CADPS: variants seen among roughly 807,000 people sequenced by gnomAD.
The protein encoded by CADPS is calcium-dependent secretion activator 1.
A neutral mutation model predicts 167.3 loss-of-function variants in CADPS; 57 were observed. The ratio of observed to expected loss-of-function variants is 0.34; its 90% CI spans 0.28 to 0.42. The LOEUF (loss-of-function observed/expected upper bound fraction) is 0.42, where lower values mean the gene tolerates loss of function less well. Among genes scored for constraint, CADPS ranks in the 20% least tolerant of loss-of-function variants. CADPS has a pLI of 1.00. For synonymous variants in CADPS, 676 were observed against 635.3 expected (o/e 1.06, Z -0.96); for missense variants, 1,414 against 1,738.1 (o/e 0.81, Z 3.32).
intron 17 of CADPS, among the ~76,000 whole-genome samples, chr3:62,502,661 C>T (rs978103038): frequency 6.6e-6 from 1 of 151,958 alleles, no homozygotes; most frequent in African/African-American, 2.4e-5. Flanking sequence ...CAAACTGAAA[C>T]AAAATTTCAA....
chr3:62,740,182 T>C (rs1342890170), intron 3 of CADPS, among the ~76,000 whole-genome samples: 1 of 152,198 alleles, frequency 6.6e-6, no homozygotes, highest in Non-Finnish European at 1.5e-5. Flanking sequence ...TAGATTTGTT[T>C]CATTTGTATC....
At chr3:62,510,191 C>CTATCTATCTATCT (rs2067486329) in intron 17 of CADPS, among the ~76,000 whole-genome samples, 1 of 148,266 alleles carries the variant, frequency 6.7e-6, no homozygotes, top group African/African-American at 2.5e-5. Context: ...CCTATTTCTG[C>CTATCTATCTATCT]ATCTATCTAT....
chr3:62,609,025 G>A (rs1442136920), intron 6 of CADPS, among the ~76,000 whole-genome samples: 1 of 152,122 alleles, frequency 6.6e-6, no homozygotes, highest in African/African-American at 2.4e-5. Context: ...GTAAGCGAGG[G>A]TAGGTTCAAC....
At chr3:62,669,658 A>C (rs971146674) in intron 3 of CADPS, among the ~76,000 whole-genome samples, 2 of 152,194 alleles carry the variant, frequency 1.3e-5, no homozygotes, top group Non-Finnish European at 2.9e-5. Context: ...CAATCCTAGG[A>C]AAGTGATTGG....
chr3:62,664,646 C>T (rs1239301054), intron 3 of CADPS, among the ~76,000 whole-genome samples: 1 of 152,250 alleles, frequency 6.6e-6, no homozygotes, highest in Admixed American at 6.5e-5. Context: ...AACTACTTCA[C>T]TGGGAAGCAG....
At chr3:62,650,113 A>T (rs1008756095) in intron 5 of CADPS, among the ~76,000 whole-genome samples, 18 of 152,170 alleles carry the variant, frequency 1.2e-4, no homozygotes, top group Non-Finnish European at 1.3e-4. Flanking sequence ...TTGCTAGATC[A>T]TATGGTAGTT....
At chr3:62,844,819 G>C (rs939882289) in intron 1 of CADPS, among the ~76,000 whole-genome samples, 7 of 152,040 alleles carry the variant, frequency 4.6e-5, no homozygotes, top group African/African-American at 1.7e-4. Context: ...AGAAAGTTGT[G>C]GTCAAACTCT....
rs2068904066 is a variant in CADPS at position 62,516,058 on chromosome 3, C to T, written c.2581+1G>A. ...AAACTGGGGGCAGAAGGGAGCCTTA[C>T]CTTCGATTTTGGCATACTCTGAGAG... On this transcript the variant is annotated splice_donor_variant, in intron 16 of 29. Transcript: ENST00000383710. LOFTEE classifies it high-confidence loss of function. 1 of 1,612,830 alleles carries T rather than the reference C, an allele frequency of 6.2e-7. No homozygotes were observed. Among genetic ancestry groups the T allele is most frequent in the Admixed American group, 1.7e-5 (1 of 59,934 alleles).
At chr3:62,497,327 G>A (rs769696820) in intron 18 of CADPS, among the ~76,000 whole-genome samples, 1 of 152,102 alleles carries the variant, frequency 6.6e-6, no homozygotes, top group Non-Finnish European at 1.5e-5. Context: ...AGAAAACTGT[G>A]CTCTTTGTAT....
intron 26 of CADPS, among the ~76,000 whole-genome samples, chr3:62,452,178 C>T (rs549991619): frequency 6.6e-6 from 1 of 152,294 alleles, no homozygotes; most frequent in East Asian, 1.9e-4. Flanking sequence ...GAAAGTACCA[C>T]TAGGCATGAT....
rs750984032 is a variant in CADPS, at chr3:62,465,470, G to GA, written c.3553-21dup. The GA allele has an allele frequency of 6.5e-6, 10 of 1,530,026 alleles. No homozygotes were observed. Among genetic ancestry groups the GA allele is most frequent in the South Asian group, 1.2e-5 (1 of 84,910 alleles). The allele number at this position is 1,530,026 out of a possible 1,614,324, so 94.8% of individuals were successfully genotyped here. A position where few individuals can be genotyped will look rare whatever the true frequency, so the allele number is the denominator to read the frequency against. On this transcript the variant is annotated intron_variant, in intron 25 of 29. Coordinates refer to ENST00000383710, the MANE Select transcript of CADPS (RefSeq NM_003716.4). This position sits in a 1 kb window ranked among gnomAD's most constrained non-coding sequence, Gnocchi z 4.1. Reference sequence around the variant, plus strand: ...AACGAACTAGAAAAACAGCAAAAAAGAAAAAAATGTTATTTCAAACTATAA... The same window carrying GA: ...AACGAACTAGAAAAACAGCAAAAAAGAAAAAAAATGTTATTTCAAACTATAA...
intron 21 of CADPS, among the ~76,000 whole-genome samples, chr3:62,482,848 T>C (rs1048826181): frequency 6.6e-6 from 1 of 152,174 alleles, no homozygotes; most frequent in Non-Finnish European, 1.5e-5. Context: ...AATAAGTGAC[T>C]AAAAAGTTAA....
intron 3 of CADPS, among the ~76,000 whole-genome samples, chr3:62,667,037 GTTTT>G (rs35606285): frequency 7.5e-6 from 1 of 133,728 alleles, no homozygotes; most frequent in Non-Finnish European, 1.6e-5. Context: ...TTCCAATCTT[GTTTT>G]TTTTTTTTTT....
chr3:62,682,929 G>C (rs1451218553), intron 3 of CADPS, among the ~76,000 whole-genome samples: 1 of 152,200 alleles, frequency 6.6e-6, no homozygotes, highest in East Asian at 1.9e-4. Context: ...CTCTGGCCTA[G>C]CAGCTCTTGA....
chr3:62,472,035 G>T (rs1010160208), intron 24 of CADPS, among the ~76,000 whole-genome samples: 4 of 151,632 alleles, frequency 2.6e-5, no homozygotes, highest in African/African-American at 9.7e-5. Flanking sequence ...AAAAAGGAGC[G>T]AACAATACAT....
chr3:62,459,033 G>A (rs910550286), intron 26 of CADPS, among the ~76,000 whole-genome samples: 1 of 152,136 alleles, frequency 6.6e-6, no homozygotes, highest in South Asian at 2.1e-4. Flanking sequence ...TGTCCTAGTA[G>A]GCAATAAAAT....
chr3:62,818,168 T>C (rs1008434727), intron 1 of CADPS, among the ~76,000 whole-genome samples: 1 of 152,134 alleles, frequency 6.6e-6, no homozygotes, highest in African/African-American at 2.4e-5. Flanking sequence ...TGGGGAAATT[T>C]CAAGTTATGG....
chr3:62,459,947 G>C (rs1451433490), intron 26 of CADPS, among the ~76,000 whole-genome samples: 1 of 152,068 alleles, frequency 6.6e-6, no homozygotes, highest in Non-Finnish European at 1.5e-5. Context: ...AATTATTTTT[G>C]CTGGTAATAT....
intron 3 of CADPS, among the ~76,000 whole-genome samples, chr3:62,699,370 G>A (rs920777909): frequency 1.3e-5 from 2 of 151,936 alleles, no homozygotes; most frequent in Admixed American, 6.6e-5. Flanking sequence ...CTGCACTTTA[G>A]TATCACTAAG....
Sources: gnomAD v4.1 joint callset for allele counts (sites outside exome capture counted in the v4.1 genomes callset) on GRCh38, gnomAD v4.1.1 for gene constraint, Gnocchi (gnomAD v3.1) non-coding constraint, MANE v1.5 for transcripts, NCBI Gene and HGNC (gene_info 2026-07-23, HGNC 2026-07-21) for gene names.